The following IP6K3 variants were observed in gnomAD, a reference collection of about 807,000 sequenced individuals.
The protein encoded by IP6K3 is ATP:1D-myo-inositol-hexakisphosphate phosphotransferase.
IP6K3 carries 20 observed loss-of-function variants against 28.8 expected under a neutral mutation model. That is an observed-to-expected ratio of 0.70 (90% confidence interval 0.49 to 1.01). IP6K3 has a LOEUF of 1.01. IP6K3 is among the 50% of genes least tolerant of loss of function. IP6K3 has a pLI of 0.00. For synonymous variants in IP6K3, 213 were observed against 221.3 expected (o/e 0.96, Z 0.33); for missense variants, 480 against 537.1 (o/e 0.89, Z 1.05).
At chr6:33,749,235 C>T (rs1766988782), upstream of IP6K3, among the ~76,000 whole-genome samples, 1 of 152,106 alleles carries the variant, frequency 6.6e-6, no homozygotes, top group Non-Finnish European at 1.5e-5. Context: ...CTGCTTTCTG[C>T]GTTTGTTTTG....
chr6:33,738,851 C>T (rs953625859), intron 1 of IP6K3, among the ~76,000 whole-genome samples: 3 of 152,186 alleles, frequency 2.0e-5, no homozygotes, highest in African/African-American at 7.2e-5. Flanking sequence ...CCTGGTCTAC[C>T]CCCTGGCCTG....
In IP6K3 at chr6:33,722,891, A is replaced by C; in HGVS notation, c.1062T>G (p.Gly354=). The part of the protein sequence containing the change: ...HPHEAPQAAH[G]SSPGGLTKVD... ...CCTTGGTGAGACCACCGGGAGAGCT[A>C]CCGTGGGCTGCCTGGGGAGCCTCGT... The change falls in exon 6 of 6, where the codon GGT becomes GGG. Residue 354 remains glycine, a synonymous_variant. Coordinates refer to ENST00000293756, the MANE Select transcript of IP6K3 (RefSeq NM_054111.5). 2.5e-6 allele frequency: 4 copies of C among 1,614,168 alleles called. No homozygotes were observed. The South Asian group carries it at 4.4e-5, about 18-fold the overall frequency.
chr6:33,749,005 T>A (rs1766985048), upstream of IP6K3, among the ~76,000 whole-genome samples: 1 of 152,142 alleles, frequency 6.6e-6, no homozygotes, highest in South Asian at 2.1e-4. Flanking sequence ...TACCTGGCCC[T>A]GGAAGAGGGT....
intron 3 of IP6K3, chr6:33,727,774 G>A (rs1766171502): frequency 2.0e-5 from 19 of 950,212 alleles, no homozygotes; most frequent in Non-Finnish European, 2.0e-5. Flanking sequence ...TTCCTCCCCA[G>A]AGACACTTCA....
the IP6K3 span, among the ~76,000 whole-genome samples, chr6:33,754,657 T>A: frequency 2.7e-4 from 41 of 152,052 alleles, no homozygotes; most frequent in Admixed American, 2.6e-3. Flanking sequence ...GTCAGGGAAT[T>A]TGTTCTCTGG....
At chr6:33,727,043 TG>T in intron 3 of IP6K3, 137 bp from the exon 4 acceptor site, 6 of 844,314 alleles carry the variant, frequency 7.1e-6, no homozygotes, top group Non-Finnish European at 1.0e-5. Flanking sequence ...CTCACCAGGC[TG>T]GGGCACCCTC....
At chr6:33,732,575 G>C (rs559276209) in intron 2 of IP6K3, among the ~76,000 whole-genome samples, 7 of 152,308 alleles carry the variant, frequency 4.6e-5, no homozygotes, top group African/African-American at 1.4e-4. Flanking sequence ...ATGTGGCCAA[G>C]AGCCCACAGT....
At chr6:33,733,757 C>T (rs568752490) in intron 2 of IP6K3, among the ~76,000 whole-genome samples, 152 of 152,330 alleles carry the variant, frequency 1.0e-3, no homozygotes, top group African/African-American at 3.2e-3. Flanking sequence ...CCTGTCTCTC[C>T]GTGTGTGACG....
chr6:33,755,687 C>G, the IP6K3 span, among the ~76,000 whole-genome samples: 1 of 152,194 alleles, frequency 6.6e-6, no homozygotes, highest in Non-Finnish European at 1.5e-5. Context: ...ACTGGGGGTC[C>G]CCCCCGCTGT....
chr6:33,743,979 C>T (rs996745093), intron 1 of IP6K3, among the ~76,000 whole-genome samples: 1 of 151,820 alleles, frequency 6.6e-6, no homozygotes, highest in South Asian at 2.1e-4. Context: ...GACAAATGTA[C>T]TTAGCAGCAC....
chr6:33,762,127 C>T, the IP6K3 span, among the ~76,000 whole-genome samples: 2 of 152,148 alleles, frequency 1.3e-5, no homozygotes, highest in Non-Finnish European at 2.9e-5. Context: ...TGCCCGGAGC[C>T]CTTGTGTGTT....
intron 4 of IP6K3, 44 bp from the exon 5 acceptor site, chr6:33,725,660 G>T (rs1766085841): frequency 1.3e-6 from 2 of 1,562,274 alleles, no homozygotes; most frequent in East Asian, 2.3e-5. Context: ...CTTCAGAACT[G>T]CTGCTCCGCC....
At position 33,722,710 on chromosome 6, in the gene IP6K3, C is replaced by T; in HGVS notation, c.*10G>A. On this transcript the variant is annotated 3_prime_UTR_variant, in exon 6 of 6. Transcript: ENST00000293756. ...ATAGCCCAGAAGAATCCAGATAAGC[C>T]CAGGAAGTTTCATTCTCCCTCTTGG... 2 of 1,573,120 alleles carry T rather than the reference C, an allele frequency of 1.3e-6. No individual in the cohort carries two copies. Among genetic ancestry groups the T allele is most frequent in the Non-Finnish European group, 1.7e-6 (2 of 1,150,900 alleles).
the IP6K3 span, among the ~76,000 whole-genome samples, chr6:33,758,503 G>A: frequency 2.0e-5 from 3 of 152,190 alleles, no homozygotes; most frequent in Non-Finnish European, 4.4e-5. Context: ...TCCAGCCTGG[G>A]TGAGACCCTG....
upstream of IP6K3, among the ~76,000 whole-genome samples, chr6:33,749,139 G>T (rs1381606686): frequency 6.6e-6 from 1 of 152,134 alleles, no homozygotes; most frequent in Non-Finnish European, 1.5e-5. Context: ...AGGTTCTAGA[G>T]GGGGAAGGAC....
the IP6K3 span, among the ~76,000 whole-genome samples, chr6:33,761,145 C>T: frequency 1.3e-5 from 2 of 152,138 alleles, no homozygotes; most frequent in African/African-American, 4.8e-5. Context: ...TCCCTGGAGC[C>T]ACCCTGAAGC....
intron 2 of IP6K3, 105 bp from the exon 3 acceptor site, chr6:33,728,405 C>G (rs934836416): frequency 3.0e-6 from 3 of 999,046 alleles, no homozygotes; most frequent in Admixed American, 2.0e-5. Flanking sequence ...TGGCCCTGGT[C>G]CACCTCCTCC....
chr6:33,743,166 C>T (rs1412082309), intron 1 of IP6K3, among the ~76,000 whole-genome samples: 1 of 152,120 alleles, frequency 6.6e-6, no homozygotes, highest in Non-Finnish European at 1.5e-5. Context: ...GAGGTGGCAC[C>T]CTGAGATCAC....
chr6:33,734,073 G>A (rs910503962), intron 2 of IP6K3, among the ~76,000 whole-genome samples: 1 of 152,028 alleles, frequency 6.6e-6, no homozygotes, highest in Non-Finnish European at 1.5e-5. Flanking sequence ...CATGGTGGCA[G>A]GCGCCTGTAA....
Sources: gnomAD v4.1 joint callset for allele counts (sites outside exome capture counted in the v4.1 genomes callset) on GRCh38, gnomAD v4.1.1 for gene constraint, MANE v1.5 for transcripts, NCBI Gene and HGNC (gene_info 2026-07-23, HGNC 2026-07-21) for gene names.